CHIC2: variants seen among roughly 807,000 people sequenced by gnomAD.
CHIC2 encodes the protein cysteine rich hydrophobic domain 2, also known as cysteine-rich hydrophobic domain-containing protein 2.
Under a neutral mutation model 25.9 loss-of-function variants are expected in CHIC2, and 14 were observed. The observed-to-expected ratio is 0.54, with a 90% CI of 0.36 to 0.85. The LOEUF is 0.85. CHIC2 is among the 40% of genes least tolerant of loss of function. The pLI is 0.01. For missense variants in CHIC2, 146 were observed against 202.0 expected, an observed-to-expected ratio of 0.72 and a Z score of 1.68; for synonymous variants, 70 against 72.0, an observed-to-expected ratio of 0.97 and a Z score of 0.14.
intron 3 of CHIC2, among the ~76,000 whole-genome samples, chr4:54,043,080 G>C (rs909724953): frequency 2.2e-4 from 34 of 152,190 alleles, no homozygotes; most frequent in African/African-American, 8.2e-4. Context: ...AGAGGCCAAG[G>C]AGGGCAGACT....
upstream of CHIC2, among the ~76,000 whole-genome samples, chr4:54,068,823 C>A (rs913787756): frequency 2.0e-5 from 3 of 152,174 alleles, no homozygotes; most frequent in African/African-American, 7.2e-5. Context: ...CAAGACTGCA[C>A]CCTCCACTTC....
At chr4:54,084,977 A>AAT in the CHIC2 span, among the ~76,000 whole-genome samples, 1 of 151,128 alleles carries the variant, frequency 6.6e-6, no homozygotes, top group Non-Finnish European at 1.5e-5. Flanking sequence ...AAAAAAAAAA[A>AAT]AAAATCAAAC....
At chr4:54,076,300 T>C in the CHIC2 span, among the ~76,000 whole-genome samples, 3 of 151,956 alleles carry the variant, frequency 2.0e-5, no homozygotes, top group African/African-American at 7.3e-5. Flanking sequence ...AAAAAATTAA[T>C]TAATTAATTA....
chr4:54,040,320 A>G (rs1198445053), intron 3 of CHIC2, among the ~76,000 whole-genome samples: 1 of 152,182 alleles, frequency 6.6e-6, no homozygotes, highest in East Asian at 1.9e-4. Flanking sequence ...TAATCCCAGC[A>G]CTTTGGGAGG....
chr4:54,034,770 A>G (rs1181772611), intron 3 of CHIC2, among the ~76,000 whole-genome samples: 2 of 152,188 alleles, frequency 1.3e-5, no homozygotes, highest in Non-Finnish European at 2.9e-5. Context: ...AATCTCCAGA[A>G]TAACATTGAT....
the CHIC2 span, among the ~76,000 whole-genome samples, chr4:54,090,366 G>A: frequency 6.6e-6 from 1 of 152,056 alleles, no homozygotes. Context: ...TGTATTTTTA[G>A]TAGAGATGGG....
chr4:54,066,699 C>T (rs990672550), upstream of CHIC2, among the ~76,000 whole-genome samples: 1 of 151,202 alleles, frequency 6.6e-6, no homozygotes, highest in African/African-American at 2.4e-5. Flanking sequence ...CATCATAGCT[C>T]ACTGCAGCCT....
the CHIC2 span, chr4:54,087,233 G>T: frequency 8.0e-6 from 5 of 628,072 alleles, no homozygotes; most frequent in Non-Finnish European, 1.4e-5. Context: ...AAGAGCCTGG[G>T]CAGACCTCAC....
At chr4:54,088,985 T>A in the CHIC2 span, among the ~76,000 whole-genome samples, 1 of 152,206 alleles carries the variant, frequency 6.6e-6, no homozygotes, top group Non-Finnish European at 1.5e-5. Context: ...TGCAGGAACC[T>A]GGAACTCCTG....
At chr4:54,057,596 T>G (rs929213679) in intron 1 of CHIC2, among the ~76,000 whole-genome samples, 3 of 152,160 alleles carry the variant, frequency 2.0e-5, no homozygotes, top group Non-Finnish European at 4.4e-5. Context: ...CAGATAAAAT[T>G]TGTCTATTAG....
chr4:54,067,926 C>CT (rs548038508), upstream of CHIC2, among the ~76,000 whole-genome samples: 2 of 150,574 alleles, frequency 1.3e-5, no homozygotes, highest in African/African-American at 4.9e-5. Flanking sequence ...TTGTCCCCCC[C>CT]CCCAAATTCA....
upstream of CHIC2, chr4:54,065,201 T>A (rs890276839): frequency 5.9e-5 from 30 of 504,866 alleles, no homozygotes; most frequent in South Asian, 5.1e-4. Flanking sequence ...TTGATCCCCT[T>A]AAGTATAATC....
chr4:54,077,140 T>C, the CHIC2 span, among the ~76,000 whole-genome samples: 1 of 152,346 alleles, frequency 6.6e-6, no homozygotes, highest in South Asian at 2.1e-4. Context: ...ATTGAGGGTG[T>C]TGTTATTTTA....
At chr4:54,042,100 A>G (rs1249609447) in intron 3 of CHIC2, among the ~76,000 whole-genome samples, 1 of 152,102 alleles carries the variant, frequency 6.6e-6, no homozygotes, top group Admixed American at 6.5e-5. Context: ...TATCCTTCAC[A>G]CATGCATGAA....
At chr4:54,088,019 G>C in the CHIC2 span, among the ~76,000 whole-genome samples, 2 of 152,168 alleles carry the variant, frequency 1.3e-5, no homozygotes, top group Non-Finnish European at 2.9e-5. Context: ...GAAATATTCA[G>C]TGGAACATTT....
chr4:54,078,327 T>G, the CHIC2 span, among the ~76,000 whole-genome samples: 1 of 152,194 alleles, frequency 6.6e-6, no homozygotes, highest in African/African-American at 2.4e-5. Context: ...TCAGATTTAA[T>G]CCAGTCATAT....
At chr4:54,062,830 G>C (rs560068697) in intron 1 of CHIC2, among the ~76,000 whole-genome samples, 1 of 152,130 alleles carries the variant, frequency 6.6e-6, no homozygotes, top group South Asian at 2.1e-4. Context: ...GGCAGGTTAT[G>C]AATTCTGTGA....
At chr4:54,030,913 G>A (rs1293561829) in intron 3 of CHIC2, among the ~76,000 whole-genome samples, 4 of 147,820 alleles carry the variant, frequency 2.7e-5, no homozygotes, top group East Asian at 2.0e-4. Flanking sequence ...TCTCACTGTC[G>A]TCTAGGCTGG....
the CHIC2 span, chr4:54,087,502 A>T: frequency 9.4e-7 from 1 of 1,063,930 alleles, no homozygotes; most frequent in South Asian, 2.6e-5. Context: ...ACGTGATGTT[A>T]GGCACTCAGC....
Sources: gnomAD v4.1 joint callset for allele counts (sites outside exome capture counted in the v4.1 genomes callset) on GRCh38, gnomAD v4.1.1 for gene constraint, MANE v1.5 for transcripts, NCBI Gene and HGNC (gene_info 2026-07-23, HGNC 2026-07-21) for gene names.